The following IRAK3 variants were observed in gnomAD, a reference collection of about 807,000 sequenced individuals.
IRAK3 encodes interleukin-1 receptor-associated kinase 3.
IRAK3 carries 57 observed loss-of-function variants against 56.6 expected under a neutral mutation model. The observed-to-expected ratio is 1.01, with a 90% CI of 0.81 to 1.26. The LOEUF is 1.26. Among genes scored for constraint, IRAK3 ranks in the 50% most tolerant of loss-of-function variants. IRAK3 has a pLI of 0.00. For missense variants in IRAK3, 703 were observed against 719.0 expected, an observed-to-expected ratio of 0.98 and a Z score of 0.25; for synonymous variants, 258 against 255.7, an observed-to-expected ratio of 1.01 and a Z score of -0.09.
intron 6 of IRAK3, among the ~76,000 whole-genome samples, chr12:66,223,074 G>A (rs1197659792): frequency 6.6e-6 from 1 of 152,258 alleles, no homozygotes; most frequent in Admixed American, 6.5e-5. Flanking sequence ...AGCTTTTTGA[G>A]CCAGGATGAG....
rs1201705724 is a variant in IRAK3, at chr12:66,253,372, T to C, written c.*5201T>C. On this transcript the variant is annotated 3_prime_UTR_variant, in exon 12 of 12. Coordinates refer to ENST00000261233, the MANE Select transcript of IRAK3 (RefSeq NM_007199.3). ...ATATTCCCAAACCATGTCTAAGCAATGAAAAACCAGTGTTCTGGCAGGAAA... is the reference window on the plus strand; with the variant it reads ...ATATTCCCAAACCATGTCTAAGCAACGAAAAACCAGTGTTCTGGCAGGAAA... The C allele has an allele frequency of 6.6e-6, 1 of 152,230 alleles. No individual in the cohort carries two copies. Among genetic ancestry groups the C allele is most frequent in the Non-Finnish European group, 1.5e-5 (1 of 68,032 alleles). The allele number at this position is 152,230 out of a possible 1,614,324, so 9.4% of individuals were successfully genotyped here. A position where few individuals can be genotyped will look rare whatever the true frequency, so the allele number is the denominator to read the frequency against.
At chr12:66,194,823 C>A (rs1403328514) in intron 1 of IRAK3, among the ~76,000 whole-genome samples, 4 of 86,946 alleles carry the variant, frequency 4.6e-5, no homozygotes, top group Admixed American at 4.4e-4. Flanking sequence ...AGCGAGACTC[C>A]TCTCAAAAAA....
At chr12:66,247,511 C>T (rs1360039622) in intron 11 of IRAK3, among the ~76,000 whole-genome samples, 184 bp from the exon 12 acceptor site, 1 of 152,164 alleles carries the variant, frequency 6.6e-6, no homozygotes, top group Non-Finnish European at 1.5e-5. Flanking sequence ...GGTTTTAAGT[C>T]ACTTAATTTA....
At chr12:66,191,753 C>A (rs1281273664) in intron 1 of IRAK3, among the ~76,000 whole-genome samples, 1 of 152,128 alleles carries the variant, frequency 6.6e-6, no homozygotes, top group African/African-American at 2.4e-5. Context: ...GTAGGGAAAA[C>A]TTGACCTTCG....
chr12:66,242,642 C>G (rs868494868), intron 8 of IRAK3, among the ~76,000 whole-genome samples: 3 of 152,162 alleles, frequency 2.0e-5, no homozygotes, highest in South Asian at 2.1e-4. Context: ...TCTGACCTTC[C>G]TTCCATAAAT....
At chr12:66,219,193 T>C (rs2052707222) in intron 6 of IRAK3, among the ~76,000 whole-genome samples, 1 of 152,200 alleles carries the variant, frequency 6.6e-6, no homozygotes, top group Non-Finnish European at 1.5e-5. Context: ...GATACTGATT[T>C]TATTTCTTTT....
chr12:66,237,292 A>G (rs1348732912), intron 8 of IRAK3, among the ~76,000 whole-genome samples: 1 of 152,118 alleles, frequency 6.6e-6, no homozygotes, highest in African/African-American at 2.4e-5. Context: ...TCCAACCTGT[A>G]CTTGAACCCT....
rs148770639 is a variant in IRAK3, at chr12:66,190,565, C to G, written c.133+1133C>G. 2.7e-3 allele frequency among the ~76,000 whole-genome samples: 418 copies of G among 152,242 alleles called. 7 individuals are homozygous for G. The highest frequency in any genetic ancestry group is 9.7e-3 in the African/African-American group (401 of 41,534). On this transcript the variant is annotated intron_variant, in intron 1 of 11. Transcript: ENST00000261233. ...TTGAGAAAGAAAAGTGTTTTTAGTC[C>G]AGTTTAATGTTGGTGAATGGGGCCA...
rs1014857350 is a variant in IRAK3, at chr12:66,248,583, G to T, written c.*412G>T. ...TGGATTCCATCGTTTGGTTTAGCTT[G>T]CTTGCACGGGTTGTAGGAAATGTCT... On this transcript the variant is annotated 3_prime_UTR_variant, in exon 12 of 12. Transcript: ENST00000261233. 6.3e-6 allele frequency: 1 copy of T among 157,806 alleles called. No individual in the cohort carries two copies. Among genetic ancestry groups the T allele is most frequent in the Non-Finnish European group, 1.4e-5 (1 of 71,712 alleles). The allele number at this position is 157,806 out of a possible 1,614,324, so 9.8% of individuals were successfully genotyped here.
chr12:66,244,410 G>A, intron 8 of IRAK3, 76 bp from the exon 9 acceptor site: 1 of 1,030,580 alleles, frequency 9.7e-7, no homozygotes, highest in African/African-American at 1.6e-5. Flanking sequence ...TGAAGAAGGT[G>A]AGTTTATAGT....
At position 66,245,143 on chromosome 12, in the gene IRAK3, T is replaced by C. The variant is rs776074851; in HGVS notation, c.1195T>C (p.Cys399Arg). 10 of 1,614,130 alleles carry C rather than the reference T, an allele frequency of 6.2e-6. No homozygotes were observed. The highest frequency in any genetic ancestry group is 1.7e-5 in the Admixed American group (1 of 60,032). The change falls in exon 11 of 12, where the codon TGT (cysteine) becomes CGT (arginine). Residue 399 changes from cysteine to arginine, a missense_variant. By Grantham distance (180) the Cys-to-Arg change is radical. Transcript: ENST00000261233. ...ELMEKRGLDS[C>R]LSFLDKKVPP... Reference sequence around the variant, plus strand: ...GATGGAGAAGAGAGGCCTGGATTCATGTCTCTCATTTCTAGATAAGAAAGT... The same window carrying C: ...GATGGAGAAGAGAGGCCTGGATTCACGTCTCTCATTTCTAGATAAGAAAGT...
intron 6 of IRAK3, among the ~76,000 whole-genome samples, chr12:66,222,023 G>T (rs997904796): frequency 3.9e-5 from 6 of 152,056 alleles, no homozygotes; most frequent in African/African-American, 1.4e-4. Flanking sequence ...AGCAAGACTC[G>T]ATCTCCAAAA....
intron 2 of IRAK3, among the ~76,000 whole-genome samples, chr12:66,204,778 GCACACACACACACACACA>G (rs59511601): frequency 1.4e-5 from 2 of 147,812 alleles, no homozygotes; most frequent in African/African-American, 2.5e-5. Flanking sequence ...GAGCCCTTGC[GCACACACACACACACACA>G]CACACACACA....
At position 66,252,097 on chromosome 12, in the gene IRAK3, A is replaced by T. The variant is rs1296847124; in HGVS notation, c.*3926A>T. ...CAGCAGCTGTGCACAACCATCCCTA[A>T]TGCCAGAAAAATGGGGTAAGGGTGA... is the stretch of plus-strand genomic sequence containing the variant. On this transcript the variant is annotated 3_prime_UTR_variant, in exon 12 of 12. Transcript: ENST00000261233. The T allele has an allele frequency of 1.3e-5, 2 of 152,230 alleles. No individual in the cohort carries two copies. The highest frequency in any genetic ancestry group is 2.9e-5 in the Non-Finnish European group (2 of 68,042). The allele number at this position is 152,230 out of a possible 1,614,324, so 9.4% of individuals were successfully genotyped here. A position where few individuals can be genotyped will look rare whatever the true frequency, so the allele number is the denominator to read the frequency against.
At chr12:66,204,777 C>CGT (rs2052542036) in intron 2 of IRAK3, among the ~76,000 whole-genome samples, 2 of 90,964 alleles carry the variant, frequency 2.2e-5, no homozygotes, top group African/African-American at 9.3e-5. Context: ...TGAGCCCTTG[C>CGT]GCACACACAC....
intron 6 of IRAK3, among the ~76,000 whole-genome samples, chr12:66,224,543 C>T (rs191576644): frequency 6.6e-6 from 1 of 152,218 alleles, no homozygotes; most frequent in Admixed American, 6.5e-5. Context: ...AAGGAAATTA[C>T]CTTAAACAGA....
At chr12:66,198,143 C>T (rs2052472533) in intron 1 of IRAK3, 3 of 976,628 alleles carry the variant, frequency 3.1e-6, no homozygotes, top group Non-Finnish European at 3.7e-6. Flanking sequence ...AAAGGTAAAG[C>T]TTCCATCTTT....
chr12:66,197,845 G>A lies in IRAK3; in HGVS notation c.134-5866G>A, dbSNP rs182804222. 362 of 985,252 alleles carry A rather than the reference G, an allele frequency of 3.7e-4. 1 individual carries two copies. The highest frequency in any genetic ancestry group is 1.0e-3 in the Admixed American group (17 of 16,260). 61.0% of individuals were successfully genotyped at this position (985,252 alleles called of 1,614,324 possible). A position where few individuals can be genotyped will look rare whatever the true frequency, so the allele number is the denominator to read the frequency against. ...AGCATCTGATATTAGCAGTTTCTCA[G>A]CCAAGTCACAGGACGGGACATCCCA... On this transcript the variant is annotated intron_variant, in intron 1 of 11. Coordinates refer to ENST00000261233, the MANE Select transcript of IRAK3 (RefSeq NM_007199.3).
chr12:66,248,687 C>G lies in IRAK3; in HGVS notation c.*516C>G, dbSNP rs897118102. 6.5e-6 allele frequency: 1 copy of G among 153,016 alleles called. No individual in the cohort carries two copies. The highest frequency in any genetic ancestry group is 2.4e-5 in the African/African-American group (1 of 41,436). 9.5% of individuals were successfully genotyped at this position (153,016 alleles called of 1,614,324 possible). A position where few individuals can be genotyped will look rare whatever the true frequency, so the allele number is the denominator to read the frequency against. On this transcript the variant is annotated 3_prime_UTR_variant, in exon 12 of 12. Coordinates refer to ENST00000261233, the MANE Select transcript of IRAK3 (RefSeq NM_007199.3). ...TGACCCCTCTTGTTTTTTGGTTAAT[C>G]CCTGACTAGCCTGCTTGTCTGAAAA...
Sources: allele counts gnomAD v4.1 joint callset (sites outside exome capture counted in the v4.1 genomes callset), GRCh38; gene constraint gnomAD v4.1.1; transcripts MANE v1.5; gene names NCBI Gene and HGNC (gene_info 2026-07-23, HGNC 2026-07-21).